Variants in ZNF804B observed in about 807,000 individuals in gnomAD.
ZNF804B encodes the protein zinc finger 804B.
ZNF804B carries 80 observed loss-of-function variants against 101.4 expected under a neutral mutation model. The ratio of observed to expected loss-of-function variants is 0.79; its 90% CI spans 0.66 to 0.95. The LOEUF is 0.95. Ranked by LOEUF, ZNF804B falls within the 40% of genes least tolerant of loss-of-function variation. ZNF804B has a pLI of 0.00. For missense variants in ZNF804B, 1,673 were observed against 1,561.9 expected (o/e 1.07, Z -1.20); for synonymous variants, 622 against 558.8 (o/e 1.11, Z -1.59).
chr7:89,298,764 A>C (rs1334459653), intron 2 of ZNF804B, among the ~76,000 whole-genome samples: 1 of 152,058 alleles, frequency 6.6e-6, no homozygotes, highest in Non-Finnish European at 1.5e-5. Context: ...TAGAAACAGA[A>C]TCACTATATC....
chr7:89,107,922 G>A (rs189550063), intron 1 of ZNF804B, among the ~76,000 whole-genome samples: 41 of 152,148 alleles, frequency 2.7e-4, no homozygotes, highest in South Asian at 8.3e-4. Context: ...CCGGAAGGTC[G>A]CCTGACTACA....
rs1301146014 is a variant in ZNF804B, at chr7:88,953,110, AT to A, written c.108+193029del. Among the ~76,000 whole-genome samples, 4 of 151,610 alleles carry A rather than the reference AT, an allele frequency of 2.6e-5. No homozygotes were observed. In the East Asian group the frequency reaches 7.8e-4, roughly 30 times the overall value. On this transcript the variant is annotated intron_variant, in intron 1 of 3. Coordinates refer to ENST00000333190, the MANE Select transcript of ZNF804B (RefSeq NM_181646.5). ...GACTCAGAGCTTCTCCTAATTTTTT[AT>A]TTCCTTTATGTTTGTTCTTCTCTTG...
chr7:88,874,208 A>C (rs1310900929), intron 1 of ZNF804B, among the ~76,000 whole-genome samples: 3 of 152,038 alleles, frequency 2.0e-5, no homozygotes, highest in Non-Finnish European at 2.9e-5. Flanking sequence ...TTGGATTCCT[A>C]GGTATTTTAT....
At chr7:89,260,850 C>G (rs1447023688) in intron 2 of ZNF804B, among the ~76,000 whole-genome samples, 1 of 152,298 alleles carries the variant, frequency 6.6e-6, no homozygotes, top group African/African-American at 2.4e-5. Context: ...CTTTTTCTTG[C>G]AATGTCATGA....
chr7:88,890,120 A>G (rs562054239), intron 1 of ZNF804B, among the ~76,000 whole-genome samples: 1 of 152,308 alleles, frequency 6.6e-6, no homozygotes, highest in South Asian at 2.1e-4. Context: ...TTAGAAATTT[A>G]CGTGAAGACA....
chr7:88,846,973 G>T (rs914635106), intron 1 of ZNF804B, among the ~76,000 whole-genome samples: 5 of 151,244 alleles, frequency 3.3e-5, no homozygotes, highest in Non-Finnish European at 5.9e-5. Context: ...ATTACTTAAG[G>T]ATATACAGTA....
chr7:89,123,217 G>A (rs1394772950), intron 1 of ZNF804B, among the ~76,000 whole-genome samples: 1 of 151,756 alleles, frequency 6.6e-6, no homozygotes, highest in Non-Finnish European at 1.5e-5. Context: ...AAGGGAAGAA[G>A]GGAGGGAATT....
chr7:89,078,918 A>C (rs1183029170), intron 1 of ZNF804B, among the ~76,000 whole-genome samples: 1 of 152,066 alleles, frequency 6.6e-6, no homozygotes, highest in Non-Finnish European at 1.5e-5. Context: ...AGATTAAAGG[A>C]GATGGAGTAT....
Position 88,854,409 on chromosome 7 carries a change from T to TCC in ZNF804B, c.108+94325_108+94326insCC, listed in dbSNP as rs1446415760. On this transcript the variant is annotated intron_variant, in intron 1 of 3. Transcript: ENST00000333190. ...TGCATTTCTTTCTTTCTTTCTTTCT[T>TCC]TCTTCCTTTCTTTCTTTCTTTCTTT... Among the ~76,000 whole-genome samples the TCC allele has an allele frequency of 1.1e-3, 164 of 144,530 alleles. 2 individuals are homozygous for TCC. The highest frequency in any genetic ancestry group is 7.0e-3 in the Middle Eastern group (2 of 284). 94.8% of individuals were successfully genotyped at this position (144,530 alleles called of 152,430 possible).
intron 2 of ZNF804B, among the ~76,000 whole-genome samples, chr7:89,299,924 A>T (rs576543773): frequency 5.3e-5 from 8 of 152,056 alleles, no homozygotes; most frequent in African/African-American, 1.4e-4. Flanking sequence ...TTGTCTTGGT[A>T]ATAGAAGTGT....
intron 1 of ZNF804B, among the ~76,000 whole-genome samples, chr7:88,902,369 A>G (rs1029780583): frequency 1.6e-4 from 25 of 151,972 alleles, no homozygotes; most frequent in Admixed American, 3.9e-4. Context: ...TATTACTTCC[A>G]TTTCTCGTTC....
chr7:89,331,463 G>A (rs180900151), intron 3 of ZNF804B, among the ~76,000 whole-genome samples: 25 of 151,724 alleles, frequency 1.6e-4, no homozygotes, highest in Non-Finnish European at 7.4e-5. Context: ...CTCAATAAAA[G>A]GAGATTAATG....
At chr7:88,873,231 C>T (rs1326059901) in intron 1 of ZNF804B, among the ~76,000 whole-genome samples, 1 of 152,176 alleles carries the variant, frequency 6.6e-6, no homozygotes, top group Non-Finnish European at 1.5e-5. Context: ...TGATGGTGAG[C>T]ATTTTTTCAT....
chr7:89,271,641 A>G (rs973642847), intron 2 of ZNF804B, among the ~76,000 whole-genome samples: 1 of 152,144 alleles, frequency 6.6e-6, no homozygotes, highest in Admixed American at 6.5e-5. Flanking sequence ...TTCAGAAGGA[A>G]TGGTACCAGC....
intron 1 of ZNF804B, among the ~76,000 whole-genome samples, chr7:89,124,205 T>A (rs1790445738): frequency 6.6e-6 from 1 of 151,590 alleles, no homozygotes; most frequent in South Asian, 2.1e-4. Flanking sequence ...TTCTGGACTT[T>A]AAACAGCACA....
chr7:88,803,454 C>G (rs1255346556), intron 1 of ZNF804B, among the ~76,000 whole-genome samples: 1 of 152,112 alleles, frequency 6.6e-6, no homozygotes, highest in Non-Finnish European at 1.5e-5. Context: ...AAAGGTGAGT[C>G]TTTAAAGAAT....
intron 2 of ZNF804B, among the ~76,000 whole-genome samples, chr7:89,285,745 A>G (rs568953006): frequency 6.6e-6 from 1 of 150,886 alleles, no homozygotes; most frequent in South Asian, 2.1e-4. Flanking sequence ...TTTTCTGTGC[A>G]AATGCAGTTG....
At chr7:88,876,796 CT>C (rs34297327) in intron 1 of ZNF804B, among the ~76,000 whole-genome samples, 28,013 of 150,796 alleles carry the variant, frequency 0.19, 2,782 homozygotes, top group African/African-American at 0.28. Flanking sequence ...CAATATTATG[CT>C]TTAGCTCTAA....
chr7:89,035,287 T>A (rs898322409), intron 1 of ZNF804B, among the ~76,000 whole-genome samples: 5 of 152,086 alleles, frequency 3.3e-5, no homozygotes, highest in Admixed American at 6.6e-5. Flanking sequence ...GGCAATTCAT[T>A]AAAAAACTCT....
Sources: allele counts gnomAD v4.1 joint callset (sites outside exome capture counted in the v4.1 genomes callset), GRCh38; gene constraint gnomAD v4.1.1; transcripts MANE v1.5; gene names NCBI Gene and HGNC (gene_info 2026-07-23, HGNC 2026-07-21).